The following CNTNAP5 variants were observed in gnomAD, a reference collection of about 807,000 sequenced individuals.
CNTNAP5 encodes contactin-associated protein-like 5.
A neutral mutation model predicts 150.2 loss-of-function variants in CNTNAP5; 72 were observed. The observed-to-expected ratio is 0.48, with a 90% CI of 0.40 to 0.58. The LOEUF is 0.58. CNTNAP5 is among the 20% of genes least tolerant of loss of function. CNTNAP5 has a pLI of 0.00. For missense variants in CNTNAP5, 1,636 were observed against 1,626.2 expected (o/e 1.01, Z -0.10); for synonymous variants, 672 against 619.8 (o/e 1.08, Z -1.25).
At chr2:124,355,316 A>G (rs1005621748) in intron 3 of CNTNAP5, among the ~76,000 whole-genome samples, 1 of 152,072 alleles carries the variant, frequency 6.6e-6, no homozygotes, top group Non-Finnish European at 1.5e-5. Flanking sequence ...AATGTTTGCC[A>G]TTGGTAGAAA....
At chr2:124,787,561 G>A (rs527743573) in intron 17 of CNTNAP5, among the ~76,000 whole-genome samples, 1 of 152,286 alleles carries the variant, frequency 6.6e-6, no homozygotes, top group Admixed American at 6.5e-5. Flanking sequence ...TGTAGCAAGT[G>A]AATGTCATAC....
intron 16 of CNTNAP5, among the ~76,000 whole-genome samples, chr2:124,765,939 A>G (rs917678944): frequency 4.6e-5 from 7 of 152,102 alleles, no homozygotes; most frequent in African/African-American, 1.4e-4. Context: ...CTGGGTAACA[A>G]GAGTGAAACT....
At chr2:124,706,795 A>AAGGAGGAGG (rs1192390906) in intron 13 of CNTNAP5, among the ~76,000 whole-genome samples, 1 of 18,880 alleles carries the variant, frequency 5.3e-5, no homozygotes, top group African/African-American at 2.0e-4. Flanking sequence ...GAAGAAGAAG[A>AAGGAGGAGG]AGGAGGAGGA....
intron 3 of CNTNAP5, among the ~76,000 whole-genome samples, chr2:124,391,786 T>G (rs1691116146): frequency 6.9e-6 from 1 of 145,758 alleles, no homozygotes; most frequent in Non-Finnish European, 1.5e-5. Flanking sequence ...AGACCCCGTC[T>G]CTACTAAAAA....
chr2:124,426,784 T>C (rs1692248142), intron 4 of CNTNAP5, among the ~76,000 whole-genome samples: 1 of 152,188 alleles, frequency 6.6e-6, no homozygotes, highest in East Asian at 1.9e-4. Flanking sequence ...CAGAACTCTG[T>C]CTTTCTCAGA....
chr2:124,520,675 A>G (rs145818431), intron 8 of CNTNAP5, among the ~76,000 whole-genome samples: 8 of 152,288 alleles, frequency 5.3e-5, no homozygotes, highest in Non-Finnish European at 7.4e-5. Context: ...GGGGGTGCTT[A>G]GTGCCCCATA....
chr2:124,882,627 T>C (rs1677987416), intron 21 of CNTNAP5, among the ~76,000 whole-genome samples: 1 of 152,098 alleles, frequency 6.6e-6, no homozygotes, highest in Admixed American at 6.6e-5. Context: ...CAGAGAGAAG[T>C]CCTGCAAATA....
At chr2:124,157,976 T>C (rs1367147951) in intron 1 of CNTNAP5, among the ~76,000 whole-genome samples, 1 of 152,190 alleles carries the variant, frequency 6.6e-6, no homozygotes, top group African/African-American at 2.4e-5. Flanking sequence ...TTTTATTCTA[T>C]TGGACAGCCA....
intron 13 of CNTNAP5, among the ~76,000 whole-genome samples, chr2:124,661,881 A>T (rs1391685396): frequency 2.6e-5 from 4 of 152,088 alleles, no homozygotes; most frequent in Non-Finnish European, 5.9e-5. Context: ...TATATATATT[A>T]TACTTTAAGT....
intron 19 of CNTNAP5, among the ~76,000 whole-genome samples, chr2:124,812,119 TAA>T (rs1682248060): frequency 1.3e-5 from 1 of 75,584 alleles, no homozygotes; most frequent in African/African-American, 4.4e-5. Context: ...ATATATTATA[TAA>T]TATATAATTT....
chr2:124,745,092 A>G (rs958060508), intron 13 of CNTNAP5, among the ~76,000 whole-genome samples: 34 of 152,184 alleles, frequency 2.2e-4, no homozygotes, highest in Non-Finnish European at 3.4e-4. Flanking sequence ...TTCAAAACGG[A>G]ATTAAGAGTT....
At chr2:124,340,569 G>A (rs1689584463) in intron 3 of CNTNAP5, among the ~76,000 whole-genome samples, 1 of 151,938 alleles carries the variant, frequency 6.6e-6, no homozygotes, top group African/African-American at 2.4e-5. Context: ...GAACTTCACT[G>A]TGAATAAAGA....
At chr2:124,730,161 C>A (rs1269646600) in intron 13 of CNTNAP5, among the ~76,000 whole-genome samples, 1 of 152,036 alleles carries the variant, frequency 6.6e-6, no homozygotes, top group Non-Finnish European at 1.5e-5. Flanking sequence ...GCATAGCTGT[C>A]TTTGACCAAT....
intron 13 of CNTNAP5, among the ~76,000 whole-genome samples, chr2:124,724,672 C>T (rs182463296): frequency 5.3e-5 from 8 of 152,076 alleles, no homozygotes; most frequent in Admixed American, 2.6e-4. Flanking sequence ...TTCTGTAAAG[C>T]ATTTGACCAT....
intron 1 of CNTNAP5, among the ~76,000 whole-genome samples, chr2:124,053,819 C>T (rs1234859904): frequency 6.6e-6 from 1 of 152,036 alleles, no homozygotes; most frequent in Non-Finnish European, 1.5e-5. Flanking sequence ...CCAGAAGGCC[C>T]ATGAAAGCAT....
At position 124,025,456 on chromosome 2, in the gene CNTNAP5, C is replaced by T. The variant is rs2104614457; in HGVS notation, c.-195C>T. On this transcript the variant is annotated 5_prime_UTR_variant, in exon 1 of 24. Transcript: ENST00000682447. Reference sequence around the variant, plus strand: ...GCTGTTGCGGGGACCGTAGCCCCAGCTGCAGCTCCGAAGAATCCCCCGCCA... The same window carrying T: ...GCTGTTGCGGGGACCGTAGCCCCAGTTGCAGCTCCGAAGAATCCCCCGCCA... The T allele has an allele frequency of 1.7e-6, 1 of 603,242 alleles. No homozygotes were observed. The highest frequency in any genetic ancestry group is 1.9e-5 in the South Asian group (1 of 51,958). The allele number at this position is 603,242 out of a possible 1,614,324, so 37.4% of individuals were successfully genotyped here. A position where few individuals can be genotyped will look rare whatever the true frequency, so the allele number is the denominator to read the frequency against.
chr2:124,499,402 C>G (rs1035460279), intron 7 of CNTNAP5, among the ~76,000 whole-genome samples: 1 of 152,220 alleles, frequency 6.6e-6, no homozygotes, highest in Admixed American at 6.5e-5. Flanking sequence ...CAGGAAAGGT[C>G]TGGGCATGGG....
At chr2:124,360,634 G>GC (rs1690171782) in intron 3 of CNTNAP5, among the ~76,000 whole-genome samples, 1 of 129,196 alleles carries the variant, frequency 7.7e-6, no homozygotes, top group African/African-American at 2.9e-5. Flanking sequence ...TTGAATATTG[G>GC]CCCCCTCTCT....
intron 1 of CNTNAP5, among the ~76,000 whole-genome samples, chr2:124,063,614 T>A (rs564233266): frequency 6.6e-6 from 1 of 152,162 alleles, no homozygotes; most frequent in African/African-American, 2.4e-5. Context: ...ATTTCTTACA[T>A]TCAGCAAATA....
Sources: allele counts gnomAD v4.1 joint callset (sites outside exome capture counted in the v4.1 genomes callset), GRCh38; gene constraint gnomAD v4.1.1; transcripts MANE v1.5; gene names NCBI Gene and HGNC (gene_info 2026-07-23, HGNC 2026-07-21).